PLGRKT: variants seen among roughly 807,000 people sequenced by gnomAD.
PLGRKT encodes plasminogen receptor with a C-terminal lysine, also known as plasminogen receptor (KT).
A neutral mutation model predicts 18.5 loss-of-function variants in PLGRKT; 22 were observed. That is an observed-to-expected ratio of 1.19 (90% CI 0.85 to 1.70). PLGRKT has a LOEUF of 1.70. Ranked by LOEUF, PLGRKT falls within the 40% of genes most tolerant of loss-of-function variation. The pLI is 0.00. For missense variants in PLGRKT, 235 were observed against 174.4 expected (o/e 1.35, Z -1.96); for synonymous variants, 72 against 52.8 (o/e 1.36, Z -1.58).
At chr9:5,424,273 TATATATA>T (rs1479464799) in intron 3 of PLGRKT, among the ~76,000 whole-genome samples, 1 of 137,226 alleles carries the variant, frequency 7.3e-6, no homozygotes, top group Non-Finnish European at 1.5e-5. Flanking sequence ...TGTCATATAT[TATATATA>T]ATATATATTA....
chr9:5,367,064 CA>C lies in PLGRKT; in HGVS notation c.82-5177del, dbSNP rs369248809. On this transcript the variant is annotated intron_variant, in intron 3 of 5. Coordinates refer to ENST00000223864, the MANE Select transcript of PLGRKT (RefSeq NM_018465.4). The stretch of plus-strand genomic sequence containing the variant: ...ACACACACACACACACACACACACA[CA>C]CACCCCTAGGAATGAAAGAAATCAG... 7.3e-4 allele frequency among the ~76,000 whole-genome samples: 109 copies of C among 149,754 alleles called. No homozygotes were observed. The East Asian group carries it at 7.8e-3, about 11-fold the overall frequency.
At chr9:5,407,219 C>A (rs1181903388) in intron 3 of PLGRKT, among the ~76,000 whole-genome samples, 1 of 152,140 alleles carries the variant, frequency 6.6e-6, no homozygotes, top group African/African-American at 2.4e-5. Context: ...TGCTAAATGA[C>A]AAAATTATCT....
In PLGRKT at chr9:5,418,855, G is replaced by T. The variant is rs764634708; in HGVS notation, c.81+13042C>A. Reference sequence around the variant, plus strand: ...TCGCACATCCTTCTGGCTGGTCCTCGTCTGCTGGAGGCAAACTGAACAGCA... The same window carrying T: ...TCGCACATCCTTCTGGCTGGTCCTCTTCTGCTGGAGGCAAACTGAACAGCA... On this transcript the variant is annotated intron_variant, in intron 3 of 5. Coordinates refer to ENST00000223864, the MANE Select transcript of PLGRKT (RefSeq NM_018465.4). The surrounding 1 kb of genome is among the most constrained non-coding windows in gnomAD (Gnocchi z 4.2). 6 of 1,061,900 alleles carry T rather than the reference G, an allele frequency of 5.7e-6. No individual in the cohort carries two copies. Among genetic ancestry groups the T allele is most frequent in the South Asian group, 3.8e-5 (3 of 78,374 alleles). 65.8% of individuals were successfully genotyped at this position (1,061,900 alleles called of 1,614,324 possible). A position where few individuals can be genotyped will look rare whatever the true frequency, so the allele number is the denominator to read the frequency against.
rs116745852 is a variant in PLGRKT, at chr9:5,398,475, G to T, written c.81+33422C>A. Among the ~76,000 whole-genome samples, 511 of 152,076 alleles carry T rather than the reference G, an allele frequency of 3.4e-3. 12 individuals are homozygous for T. Among genetic ancestry groups the T allele is most frequent in the African/African-American group, 0.012 (497 of 41,320 alleles). ...GAAAGAAAACAGAGAAACAAGCTGT[G>T]ATCTTCCTTTTTTGTAGCAAGTGCT... On this transcript the variant is annotated intron_variant, in intron 3 of 5. Coordinates refer to ENST00000223864, the MANE Select transcript of PLGRKT (RefSeq NM_018465.4).
chr9:5,418,931 A>G lies in PLGRKT; in HGVS notation c.81+12966T>C. 1 of 795,880 alleles carries G rather than the reference A, an allele frequency of 1.3e-6. No individual in the cohort carries two copies. Among genetic ancestry groups the G allele is most frequent in the East Asian group, 3.1e-5 (1 of 32,386 alleles). The allele number at this position is 795,880 out of a possible 1,614,324, so 49.3% of individuals were successfully genotyped here. A position where few individuals can be genotyped will look rare whatever the true frequency, so the allele number is the denominator to read the frequency against. On this transcript the variant is annotated intron_variant, in intron 3 of 5. Transcript: ENST00000223864. This position sits in a 1 kb window ranked among gnomAD's most constrained non-coding sequence, Gnocchi z 4.2. The stretch of plus-strand genomic sequence containing the variant: ...GCCTTCACTAGGGGCTGCAGTAATT[A>G]AAACAGATCTGACATTCTAGCAGAG...
At chr9:5,424,595 GTAATA>G (rs558646437) in intron 3 of PLGRKT, among the ~76,000 whole-genome samples, 2,537 of 122,900 alleles carry the variant, frequency 0.021, 79 homozygotes, top group African/African-American at 0.066. Flanking sequence ...ATATTATACA[GTAATA>G]TAATATATTA....
Position 5,418,554 on chromosome 9 carries a change from C to T in PLGRKT, c.81+13343G>A. The T allele has an allele frequency of 2.4e-6, 2 of 825,826 alleles. No individual in the cohort carries two copies. The highest frequency in any genetic ancestry group is 1.7e-5 in the African/African-American group (1 of 59,776). The allele number at this position is 825,826 out of a possible 1,614,324, so 51.2% of individuals were successfully genotyped here. On this transcript the variant is annotated intron_variant, in intron 3 of 5. Transcript: ENST00000223864. This position sits in a 1 kb window ranked among gnomAD's most constrained non-coding sequence, Gnocchi z 4.2. ...CCACCCCCTGGGGAGCCCTGCCTTG[C>T]AGAGGCTGCTGTCCAGCAGGGATGG...
intron 5 of PLGRKT, among the ~76,000 whole-genome samples, chr9:5,359,216 C>T (rs531187900): frequency 6.6e-6 from 1 of 152,028 alleles, no homozygotes; most frequent in East Asian, 1.9e-4. Context: ...GTGGTGTACA[C>T]CGGCTAATTT....
intron 3 of PLGRKT, among the ~76,000 whole-genome samples, chr9:5,367,761 G>A (rs534720141): frequency 6.6e-6 from 1 of 152,178 alleles, no homozygotes; most frequent in African/African-American, 2.4e-5. Context: ...AAACTAAAGA[G>A]CTTCTGCCCA....
chr9:5,422,086 A>C (rs762717920), intron 3 of PLGRKT, among the ~76,000 whole-genome samples: 19 of 152,218 alleles, frequency 1.2e-4, no homozygotes, highest in Non-Finnish European at 2.6e-4. Context: ...GTTCTTAATA[A>C]ATTTCCACAC....
intron 3 of PLGRKT, among the ~76,000 whole-genome samples, chr9:5,390,445 A>T (rs3824436): frequency 0.29 from 43,468 of 151,664 alleles, 6,551 homozygotes; most frequent in Non-Finnish European, 0.3. Flanking sequence ...AGGCAGGCTG[A>T]GGGGGCTGAA....
chr9:5,427,184 T>A (rs1041387294), intron 3 of PLGRKT, among the ~76,000 whole-genome samples: 1 of 152,216 alleles, frequency 6.6e-6, no homozygotes, highest in Non-Finnish European at 1.5e-5. Flanking sequence ...ACATGAATCA[T>A]CCCCTTGTCT....
At chr9:5,410,546 C>G (rs1003922701) in intron 3 of PLGRKT, among the ~76,000 whole-genome samples, 3 of 148,110 alleles carry the variant, frequency 2.0e-5, no homozygotes, top group Non-Finnish European at 4.5e-5. Context: ...AAGAAATTAA[C>G]AGAAGTCACC....
intron 3 of PLGRKT, among the ~76,000 whole-genome samples, chr9:5,362,764 G>A (rs529522391): frequency 5.3e-5 from 8 of 152,192 alleles, no homozygotes; most frequent in Non-Finnish European, 1.5e-5. Context: ...TGGGAGGGGC[G>A]AATGATAGTT....
chr9:5,411,711 T>A (rs1818369792), intron 3 of PLGRKT, among the ~76,000 whole-genome samples: 1 of 152,232 alleles, frequency 6.6e-6, no homozygotes, highest in African/African-American at 2.4e-5. Flanking sequence ...ACTATAAGAA[T>A]ATATTTCCAA....
chr9:5,364,111 G>C (rs1817329183), intron 3 of PLGRKT, among the ~76,000 whole-genome samples: 1 of 152,156 alleles, frequency 6.6e-6, no homozygotes, highest in Non-Finnish European at 1.5e-5. Context: ...CACATCATGA[G>C]CATCTGGGGA....
chr9:5,388,018 G>C lies in PLGRKT; in HGVS notation c.82-26130C>G, dbSNP rs115942272. ...CATGATGTGTCAAGCAGGCAGTTTG[G>C]TATAGCAGTCTGTAGTTATGGCCAA... On this transcript the variant is annotated intron_variant, in intron 3 of 5. Coordinates refer to ENST00000223864, the MANE Select transcript of PLGRKT (RefSeq NM_018465.4). Among the ~76,000 whole-genome samples, 434 of 152,012 alleles carry C rather than the reference G, an allele frequency of 2.9e-3. 10 individuals are homozygous for C. Among genetic ancestry groups the C allele is most frequent in the African/African-American group, 0.01 (420 of 41,320 alleles).
chr9:5,394,259 G>A (rs1253646140), intron 3 of PLGRKT, among the ~76,000 whole-genome samples: 2 of 151,826 alleles, frequency 1.3e-5, no homozygotes, highest in African/African-American at 4.9e-5. Flanking sequence ...GGTGAGCAGG[G>A]AAGGCAGAGG....
At chr9:5,438,310 A>C (rs935209949), upstream of PLGRKT, among the ~76,000 whole-genome samples, 2 of 152,202 alleles carry the variant, frequency 1.3e-5, no homozygotes, top group African/African-American at 4.8e-5. Flanking sequence ...TGAATAAGCC[A>C]CGTCTCTCTC....
Sources: gnomAD v4.1 joint callset for allele counts (sites outside exome capture counted in the v4.1 genomes callset) on GRCh38, gnomAD v4.1.1 for gene constraint, Gnocchi (gnomAD v3.1) non-coding constraint, MANE v1.5 for transcripts, NCBI Gene and HGNC (gene_info 2026-07-23, HGNC 2026-07-21) for gene names.